The following ADK variants were observed in gnomAD, a reference collection of about 807,000 sequenced individuals.
ADK encodes the protein N6,N6-dimethyladenosine kinase.
ADK carries 24 observed loss-of-function variants against 44.7 expected under a neutral mutation model. The ratio of observed to expected loss-of-function variants is 0.54; its 90% CI spans 0.39 to 0.76. The LOEUF (loss-of-function observed/expected upper bound fraction) is 0.76, where lower values mean the gene tolerates loss of function less well. Ranked by LOEUF, ADK falls within the 30% of genes least tolerant of loss-of-function variation. ADK has a pLI of 0.00. For missense variants in ADK, 321 were observed against 425.1 expected (o/e 0.76, Z 2.15); for synonymous variants, 128 against 142.6 (o/e 0.90, Z 0.73).
intron 6 of ADK, among the ~76,000 whole-genome samples, chr10:74,414,530 G>T (rs1410051424): frequency 6.6e-6 from 1 of 152,148 alleles, no homozygotes. Context: ...GAGGTCAGGA[G>T]TTGGAGACCA....
chr10:74,435,184 A>G (rs1344734834), intron 6 of ADK, among the ~76,000 whole-genome samples: 3 of 152,194 alleles, frequency 2.0e-5, no homozygotes, highest in Non-Finnish European at 4.4e-5. Flanking sequence ...GAAGACTGAT[A>G]ATGCAGTGTG....
At chr10:74,249,237 T>G (rs1845551634) in intron 3 of ADK, among the ~76,000 whole-genome samples, 1 of 152,194 alleles carries the variant, frequency 6.6e-6, no homozygotes, top group South Asian at 2.1e-4. Context: ...TTCTTTAATG[T>G]TTTTTAGGCA....
At position 74,575,089 on chromosome 10, in the gene ADK, T is replaced by C. The variant is rs556411037; in HGVS notation, c.727-14193T>C. On this transcript the variant is annotated intron_variant, in intron 7 of 10. Transcript: ENST00000539909. Reference sequence around the variant, plus strand: ...GTCAACTCTGATCCCCAAAATTAAGTATGAACCACAAAAAAATCAAGTCAG... The same window carrying C: ...GTCAACTCTGATCCCCAAAATTAAGCATGAACCACAAAAAAATCAAGTCAG... Among the ~76,000 whole-genome samples, 66 of 152,180 alleles carry C rather than the reference T, an allele frequency of 4.3e-4. 2 individuals are homozygous for C. Among genetic ancestry groups the C allele is most frequent in the Admixed American group, 1.3e-4 (2 of 15,276 alleles).
At chr10:74,254,561 A>G (rs2132347875) in intron 3 of ADK, among the ~76,000 whole-genome samples, 1 of 152,190 alleles carries the variant, frequency 6.6e-6, no homozygotes, top group South Asian at 2.1e-4. Context: ...TTAAAATTGT[A>G]TACCTGAAAA....
At chr10:74,227,373 C>G (rs1323218906) in intron 3 of ADK, among the ~76,000 whole-genome samples, 1 of 152,022 alleles carries the variant, frequency 6.6e-6, no homozygotes, top group Non-Finnish European at 1.5e-5. Context: ...ATAAGAGTAC[C>G]AATAAGAGAG....
chr10:74,214,721 A>C (rs1843949107), intron 2 of ADK, among the ~76,000 whole-genome samples: 2 of 152,240 alleles, frequency 1.3e-5, no homozygotes. Context: ...TATAAAAGTT[A>C]TGAACATTTA....
At chr10:74,627,459 A>G (rs1316305637) in intron 9 of ADK, among the ~76,000 whole-genome samples, 1 of 151,936 alleles carries the variant, frequency 6.6e-6, no homozygotes, top group Non-Finnish European at 1.5e-5. Flanking sequence ...AGCCTGGGTG[A>G]CAGAGTGAGA....
intron 3 of ADK, among the ~76,000 whole-genome samples, chr10:74,265,226 T>TC (rs1413932266): frequency 1.3e-5 from 2 of 151,994 alleles, no homozygotes; most frequent in African/African-American, 4.8e-5. Context: ...ACAATTTTTT[T>TC]TTTTTTTTGA....
chr10:74,290,078 G>GCGCACACACACA (rs113592873), intron 3 of ADK, among the ~76,000 whole-genome samples: 3,021 of 149,090 alleles, frequency 0.02, 43 homozygotes, highest in Non-Finnish European at 0.028. Flanking sequence ...CTACTCACGC[G>GCGCACACACACA]CACACACACA....
At chr10:74,187,799 G>C (rs924325730) in intron 1 of ADK, among the ~76,000 whole-genome samples, 6 of 152,074 alleles carry the variant, frequency 3.9e-5, no homozygotes, top group Non-Finnish European at 5.9e-5. Flanking sequence ...TATCATGTAA[G>C]GGTTTCTCAA....
At chr10:74,441,654 A>G (rs1333791123) in intron 6 of ADK, among the ~76,000 whole-genome samples, 2 of 152,170 alleles carry the variant, frequency 1.3e-5, no homozygotes, top group East Asian at 1.9e-4. Flanking sequence ...TGGTCTTGCA[A>G]TGACTTTTTA....
chr10:74,374,933 G>T (rs764468896), intron 4 of ADK, among the ~76,000 whole-genome samples: 12 of 151,788 alleles, frequency 7.9e-5, no homozygotes, highest in Non-Finnish European at 1.3e-4. Context: ...AACACTCCTC[G>T]TATGTTGTTT....
At position 74,274,222 on chromosome 10, in the gene ADK, T is replaced by C. The variant is rs112274240; in HGVS notation, c.195-40445T>C. Among the ~76,000 whole-genome samples the C allele has an allele frequency of 5.3e-3, 800 of 152,292 alleles. 12 individuals are homozygous for C. The highest frequency in any genetic ancestry group is 0.017 in the African/African-American group (727 of 41,560). On this transcript the variant is annotated intron_variant, in intron 3 of 10. Coordinates refer to ENST00000539909, the MANE Select transcript of ADK (RefSeq NM_006721.4). ...ATAAACACATATTTTGTATATGTAT[T>C]AAACACTGTATTCTTACAATAAAGC...
chr10:74,256,072 C>T (rs1466807656), intron 3 of ADK, among the ~76,000 whole-genome samples: 1 of 152,138 alleles, frequency 6.6e-6, no homozygotes, highest in Non-Finnish European at 1.5e-5. Flanking sequence ...TAGGCTTAAG[C>T]TTAGTTGAAG....
At chr10:74,597,657 C>G (rs1383634385) in intron 8 of ADK, among the ~76,000 whole-genome samples, 1 of 152,148 alleles carries the variant, frequency 6.6e-6, no homozygotes, top group Admixed American at 6.5e-5. Context: ...GGCAGGAAAA[C>G]CACAGAAGTG....
intron 7 of ADK, among the ~76,000 whole-genome samples, chr10:74,554,571 C>T (rs980176018): frequency 1.0e-3 from 152 of 152,126 alleles, no homozygotes; most frequent in African/African-American, 3.5e-3. Flanking sequence ...AATGGTAAAG[C>T]TTAGAACATT....
chr10:74,533,273 T>C (rs1273313212), intron 7 of ADK, among the ~76,000 whole-genome samples: 2 of 152,196 alleles, frequency 1.3e-5, no homozygotes, highest in Non-Finnish European at 2.9e-5. Context: ...TCAGAAGTTT[T>C]TTTTAAAGTC....
intron 1 of ADK, among the ~76,000 whole-genome samples, chr10:74,171,132 T>C (rs1480155571): frequency 6.6e-6 from 1 of 152,184 alleles, no homozygotes; most frequent in Non-Finnish European, 1.5e-5. Context: ...TTCCATAACA[T>C]TCTGTAATTA....
At chr10:74,698,714 G>A (rs994062965) in intron 10 of ADK, among the ~76,000 whole-genome samples, 5 of 151,996 alleles carry the variant, frequency 3.3e-5, no homozygotes, top group Non-Finnish European at 5.9e-5. Flanking sequence ...GTACCACCAC[G>A]CCTGGCTAAA....
Sources: gnomAD v4.1 joint callset for allele counts (sites outside exome capture counted in the v4.1 genomes callset) on GRCh38, gnomAD v4.1.1 for gene constraint, MANE v1.5 for transcripts, NCBI Gene and HGNC (gene_info 2026-07-23, HGNC 2026-07-21) for gene names.